LMBR1: variants seen among roughly 807,000 people sequenced by gnomAD.
The protein encoded by LMBR1 is limb region 1 protein homolog.
LMBR1 carries 52 observed loss-of-function variants against 73.9 expected under a neutral mutation model. The observed-to-expected ratio is 0.70, with a 90% CI of 0.56 to 0.89. The LOEUF is 0.89. Among genes scored for constraint, LMBR1 ranks in the 40% least tolerant of loss-of-function variants. The pLI, the probability that LMBR1 is intolerant of heterozygous loss-of-function variation, is 0.00. For synonymous variants in LMBR1, 215 were observed against 209.4 expected, an observed-to-expected ratio of 1.03 and a Z score of -0.23; for missense variants, 539 against 579.8, an observed-to-expected ratio of 0.93 and a Z score of 0.72.
intron 1 of LMBR1, among the ~76,000 whole-genome samples, chr7:156,882,021 C>T (rs913351208): frequency 2.6e-5 from 4 of 152,198 alleles, no homozygotes; most frequent in African/African-American, 9.7e-5. Context: ...GATATTAGCA[C>T]TTCTATATCC....
At position 156,683,074 on chromosome 7, in the gene LMBR1, G is replaced by C. The variant is rs895912893; in HGVS notation, c.*1004C>G. 1 of 152,228 alleles carries C rather than the reference G, an allele frequency of 6.6e-6. No homozygotes were observed. The highest frequency in any genetic ancestry group is 1.5e-5 in the Non-Finnish European group (1 of 68,038). The allele number at this position is 152,228 out of a possible 1,614,324, so 9.4% of individuals were successfully genotyped here. On this transcript the variant is annotated 3_prime_UTR_variant, in exon 17 of 17. Coordinates refer to ENST00000353442, the MANE Select transcript of LMBR1 (RefSeq NM_022458.4). ...TTCTTACACCATGAATGCTGATGCT[G>C]TGAACTTTGGATGTTAAACTGGTAA...
intron 6 of LMBR1, among the ~76,000 whole-genome samples, 157 bp from the exon 7 acceptor site, chr7:156,763,333 A>G (rs1333543949): frequency 6.6e-6 from 1 of 152,082 alleles, no homozygotes; most frequent in Admixed American, 6.5e-5. Flanking sequence ...TAAATTGTAC[A>G]ATAAAAAGAT....
intron 5 of LMBR1, chr7:156,779,715 C>T: frequency 7.8e-7 from 1 of 1,284,644 alleles, no homozygotes; most frequent in Non-Finnish European, 1.0e-6. Flanking sequence ...CAAGGTTTTG[C>T]CTGGACATCT....
chr7:156,788,525 T>G (rs966279972), intron 5 of LMBR1, among the ~76,000 whole-genome samples: 2 of 151,188 alleles, frequency 1.3e-5, no homozygotes, highest in African/African-American at 4.9e-5. Context: ...TTCAGCTGAG[T>G]CAAGCACTGA....
At chr7:156,807,888 T>C (rs1218288770) in intron 4 of LMBR1, among the ~76,000 whole-genome samples, 6 of 152,224 alleles carry the variant, frequency 3.9e-5, no homozygotes, top group Non-Finnish European at 8.8e-5. Context: ...TATTGTAAAG[T>C]ATGTTATCAA....
At chr7:156,867,223 T>C (rs1011471393) in intron 1 of LMBR1, among the ~76,000 whole-genome samples, 10 of 152,156 alleles carry the variant, frequency 6.6e-5, no homozygotes, top group African/African-American at 2.4e-4. Context: ...GAAATACCAC[T>C]TCATACCCAC....
At position 156,756,427 on chromosome 7, in the gene LMBR1, G is replaced by A; in HGVS notation, c.723C>T (p.Thr241=). 2 of 1,502,176 alleles carry A rather than the reference G, an allele frequency of 1.3e-6. No individual in the cohort carries two copies. The highest frequency in any genetic ancestry group is 1.8e-6 in the Non-Finnish European group (2 of 1,087,880). The allele number at this position is 1,502,176 out of a possible 1,614,324, so 93.1% of individuals were successfully genotyped here. The change falls in exon 9 of 17, where the codon ACC becomes ACT. Residue 241 remains threonine, a synonymous_variant. Coordinates refer to ENST00000353442, the MANE Select transcript of LMBR1 (RefSeq NM_022458.4). ...EDLDEQIYII[T]LEEEALQRRL... ...GTCTCTGGAGTGCTTCTTCCTCTAA[G>A]GTAATGATATAAATTTGTTCATCCA...
At chr7:156,758,548 C>T (rs1822358773) in intron 8 of LMBR1, among the ~76,000 whole-genome samples, 1 of 152,150 alleles carries the variant, frequency 6.6e-6, no homozygotes, top group Admixed American at 6.5e-5. Flanking sequence ...GTGCTGTCCA[C>T]ACAGTAATAA....
intron 1 of LMBR1, among the ~76,000 whole-genome samples, chr7:156,890,909 A>G (rs992663710): frequency 6.6e-5 from 10 of 152,138 alleles, no homozygotes; most frequent in African/African-American, 2.4e-4. Context: ...GTTCATAGCC[A>G]GCCCGGCGTG....
Position 156,748,646 on chromosome 7 carries a change from G to A in LMBR1, c.757+7747C>T, listed in dbSNP as rs149421181. Among the ~76,000 whole-genome samples the A allele has an allele frequency of 2.3e-3, 352 of 151,864 alleles. 9 individuals are homozygous for A. The East Asian group carries it at 0.047, about 20-fold the overall frequency. ...TGGGATTACATGCGCATGCCACCAC[G>A]CCCAGCTAATTTTTGTATTTTTAGT... On this transcript the variant is annotated intron_variant, in intron 9 of 16. Coordinates refer to ENST00000353442, the MANE Select transcript of LMBR1 (RefSeq NM_022458.4).
chr7:156,730,332 T>A (rs1407269491), intron 10 of LMBR1, among the ~76,000 whole-genome samples: 2 of 152,216 alleles, frequency 1.3e-5, no homozygotes, highest in East Asian at 3.9e-4. Context: ...TCATGTTTCT[T>A]GAGAGGTAAA....
In LMBR1 at chr7:156,751,368, T is replaced by C. The variant is rs192134332; in HGVS notation, c.757+5025A>G. 2.8e-4 allele frequency among the ~76,000 whole-genome samples: 43 copies of C among 151,882 alleles called. 1 individual carries two copies. Among genetic ancestry groups the C allele is most frequent in the African/African-American group, 9.4e-4 (39 of 41,408 alleles). On this transcript the variant is annotated intron_variant, in intron 9 of 16. Transcript: ENST00000353442. Reference sequence around the variant, plus strand: ...AGAGAGAAGGTGGAGGAAAACACAATAAAAATGCCCCAAGGGAAGGGGCTC... The same window carrying C: ...AGAGAGAAGGTGGAGGAAAACACAACAAAAATGCCCCAAGGGAAGGGGCTC...
chr7:156,846,454 A>G (rs1368552977), intron 1 of LMBR1, among the ~76,000 whole-genome samples: 1 of 151,908 alleles, frequency 6.6e-6, no homozygotes, highest in East Asian at 1.9e-4. Context: ...TTAGCATTCC[A>G]CCAAAGCAAA....
At position 156,893,172 on chromosome 7, in the gene LMBR1, G is replaced by C. The variant is rs1247617881; in HGVS notation, c.-179C>G. ...CCGTCGCCTCAGCAGCCTCAGACGA[G>C]CAGCTCTGACTAAGGGAGGGCGGGC... On this transcript the variant is annotated 5_prime_UTR_variant, in exon 1 of 17. Transcript: ENST00000353442. 2 of 480,920 alleles carry C rather than the reference G, an allele frequency of 4.2e-6. No individual in the cohort carries two copies. The highest frequency in any genetic ancestry group is 6.5e-6 in the Non-Finnish European group (2 of 307,694). The allele number at this position is 480,920 out of a possible 1,614,324, so 29.8% of individuals were successfully genotyped here. A position where few individuals can be genotyped will look rare whatever the true frequency, so the allele number is the denominator to read the frequency against.
At chr7:156,857,035 G>A (rs1426668579) in intron 1 of LMBR1, among the ~76,000 whole-genome samples, 1 of 151,878 alleles carries the variant, frequency 6.6e-6, no homozygotes, top group Non-Finnish European at 1.5e-5. Flanking sequence ...GATATGCTAA[G>A]AGAGGAAAGA....
intron 5 of LMBR1, among the ~76,000 whole-genome samples, chr7:156,775,075 C>A (rs561703971): frequency 3.3e-4 from 50 of 152,204 alleles, no homozygotes; most frequent in African/African-American, 1.2e-3. Context: ...TGCTTACAAC[C>A]TGGGTGACGA....
chr7:156,784,791 C>A (rs1337229995), intron 5 of LMBR1, among the ~76,000 whole-genome samples: 1 of 152,170 alleles, frequency 6.6e-6, no homozygotes, highest in African/African-American at 2.4e-5. Context: ...TAACTCTACA[C>A]AGATGTAAAA....
At chr7:156,689,590 GC>G (rs758277724) in intron 15 of LMBR1, among the ~76,000 whole-genome samples, 4 of 152,152 alleles carry the variant, frequency 2.6e-5, no homozygotes, top group Non-Finnish European at 5.9e-5. Flanking sequence ...CTCTTCTGTA[GC>G]CACTTCTACC....
At chr7:156,887,320 G>C (rs1262920543) in intron 1 of LMBR1, among the ~76,000 whole-genome samples, 2 of 152,034 alleles carry the variant, frequency 1.3e-5, no homozygotes, top group African/African-American at 4.8e-5. Context: ...GAAATTAGCT[G>C]GGTGTGGTGA....
Sources: gnomAD v4.1 joint callset for allele counts (sites outside exome capture counted in the v4.1 genomes callset) on GRCh38, gnomAD v4.1.1 for gene constraint, MANE v1.5 for transcripts, NCBI Gene and HGNC (gene_info 2026-07-23, HGNC 2026-07-21) for gene names.